RALGPS2: variants seen among roughly 807,000 people sequenced by gnomAD.
RALGPS2 encodes the protein Ral GEF with PH domain and SH3 binding motif 2.
A neutral mutation model predicts 86.8 loss-of-function variants in RALGPS2; 43 were observed. That is an observed-to-expected ratio of 0.50 (90% CI 0.39 to 0.64). The LOEUF (loss-of-function observed/expected upper bound fraction) is 0.64. RALGPS2 is among the 30% of genes least tolerant of loss of function. RALGPS2 has a pLI of 0.00. For missense variants in RALGPS2, 536 were observed against 694.6 expected, an observed-to-expected ratio of 0.77 and a Z score of 2.57; for synonymous variants, 243 against 231.3, an observed-to-expected ratio of 1.05 and a Z score of -0.46.
chr1:178,743,934 A>G (rs778196030), intron 1 of RALGPS2, among the ~76,000 whole-genome samples: 2 of 152,200 alleles, frequency 1.3e-5, no homozygotes, highest in Admixed American at 6.5e-5. Context: ...TAAACGTTTA[A>G]GGAAGAATTA....
At chr1:178,872,665 G>A (rs777145150) in intron 8 of RALGPS2, among the ~76,000 whole-genome samples, 2 of 152,164 alleles carry the variant, frequency 1.3e-5, no homozygotes, top group Non-Finnish European at 2.9e-5. Context: ...CAGTAATTAT[G>A]TTGTAGTCAC....
intron 4 of RALGPS2, among the ~76,000 whole-genome samples, chr1:178,795,537 T>G (rs1161568555): frequency 6.6e-6 from 1 of 151,988 alleles, no homozygotes; most frequent in East Asian, 1.9e-4. Context: ...CTCAGCCTCC[T>G]GAGTAGCTGG....
In RALGPS2 at chr1:178,883,537, A is replaced by C. The variant is rs373650907; in HGVS notation, c.904+4A>C. 6.2e-7 allele frequency: 1 copy of C among 1,605,328 alleles called. No individual in the cohort carries two copies. Among genetic ancestry groups the C allele is most frequent in the Non-Finnish European group, 8.5e-7 (1 of 1,172,240 alleles). Reference sequence around the variant, plus strand: ...GCTTCCAGAGAAGATTTAGTAGGTCAGTACGTAGTTTTCTCTTGTTACCAA... The same window carrying C: ...GCTTCCAGAGAAGATTTAGTAGGTCCGTACGTAGTTTTCTCTTGTTACCAA... On this transcript the variant is annotated splice_donor_region_variant and intron_variant, in intron 11 of 19. Transcript: ENST00000367635.
rs551546965 is a variant in RALGPS2 at position 178,910,020 on chromosome 1, G to T, written c.1722+3153G>T. 9.9e-5 allele frequency among the ~76,000 whole-genome samples: 15 copies of T among 151,896 alleles called. 1 individual carries two copies. In the East Asian group the frequency reaches 1.9e-3, roughly 20 times the overall value. ...CCCTAGATATTTTTTTCTTTTTGTGGCTATTGTAAATGGAATTGTGTTCTT... is the reference window on the plus strand; with the variant it reads ...CCCTAGATATTTTTTTCTTTTTGTGTCTATTGTAAATGGAATTGTGTTCTT... On this transcript the variant is annotated intron_variant, in intron 19 of 19. Coordinates refer to ENST00000367635, the MANE Select transcript of RALGPS2 (RefSeq NM_152663.5).
chr1:178,852,705 G>A lies in RALGPS2; in HGVS notation c.607+19155G>A, dbSNP rs34483360. 2.8e-3 allele frequency: 4,460 copies of A among 1,613,540 alleles called. 97 individuals carry two copies. The African/African-American group carries it at 0.049, about 18-fold the overall frequency. ...TACCTGCATACATATCTTTATCTCTGTCCAGTGTGGTGAATTGTTTACCAT... is the reference window on the plus strand; with the variant it reads ...TACCTGCATACATATCTTTATCTCTATCCAGTGTGGTGAATTGTTTACCAT... On this transcript the variant is annotated intron_variant, in intron 8 of 19. Coordinates refer to ENST00000367635, the MANE Select transcript of RALGPS2 (RefSeq NM_152663.5).
At chr1:178,853,661 C>A (rs548240641) in intron 8 of RALGPS2, 2 of 1,612,432 alleles carry the variant, frequency 1.2e-6, no homozygotes, top group Non-Finnish European at 1.7e-6. Flanking sequence ...AACAGTCCAA[C>A]CCCCAGGGTC....
intron 8 of RALGPS2, among the ~76,000 whole-genome samples, chr1:178,867,667 AAAG>A (rs2102342809): frequency 3.9e-5 from 6 of 152,066 alleles, no homozygotes; most frequent in African/African-American, 1.4e-4. Flanking sequence ...TAATTATGCA[AAAG>A]TATTTATGGA....
chr1:178,877,787 C>A, intron 9 of RALGPS2, 152 bp downstream of exon 9: 1 of 982,404 alleles, frequency 1.0e-6, no homozygotes, highest in Non-Finnish European at 1.5e-6. Context: ...TTTTATTTTG[C>A]CATTTACTAT....
intron 6 of RALGPS2, among the ~76,000 whole-genome samples, chr1:178,816,338 G>A (rs1162091582): frequency 6.6e-6 from 1 of 151,862 alleles, no homozygotes; most frequent in Admixed American, 6.6e-5. Flanking sequence ...GATAGTGATG[G>A]TTGAGTATCT....
chr1:178,881,710 C>A (rs1315857231), intron 10 of RALGPS2, among the ~76,000 whole-genome samples: 1 of 152,156 alleles, frequency 6.6e-6, no homozygotes, highest in Admixed American at 6.5e-5. Flanking sequence ...TTTGGCCTCC[C>A]AAAGTGCTAG....
intron 4 of RALGPS2, among the ~76,000 whole-genome samples, chr1:178,792,796 G>A (rs1654018128): frequency 6.6e-6 from 1 of 152,176 alleles, no homozygotes; most frequent in Non-Finnish European, 1.5e-5. Flanking sequence ...GTGGTGGGGA[G>A]AAAATACAAT....
At chr1:178,735,288 A>G (rs1451106579) in intron 1 of RALGPS2, among the ~76,000 whole-genome samples, 2 of 152,174 alleles carry the variant, frequency 1.3e-5, no homozygotes, top group Non-Finnish European at 2.9e-5. Flanking sequence ...CTTCATTTAC[A>G]TAAAGTTTAG....
chr1:178,794,483 A>G (rs1654099877), intron 4 of RALGPS2, among the ~76,000 whole-genome samples: 1 of 152,168 alleles, frequency 6.6e-6, no homozygotes, highest in Non-Finnish European at 1.5e-5. Context: ...GAGTTCTTTC[A>G]TGTTGCAGAA....
intron 2 of RALGPS2, among the ~76,000 whole-genome samples, chr1:178,780,242 T>TA (rs1424848758): frequency 6.6e-6 from 1 of 152,206 alleles, no homozygotes; most frequent in Admixed American, 6.5e-5. Flanking sequence ...TACCAAGAGA[T>TA]AGAGATCTTT....
At chr1:178,725,450 G>GGGGAGGGAGGGA (rs1157022327) in intron 1 of RALGPS2, 31 bp downstream of exon 1, 2 of 149,220 alleles carry the variant, frequency 1.3e-5, no homozygotes, top group African/African-American at 4.9e-5. Flanking sequence ...GGGCGGTGCG[G>GGGGAGGGAGGGA]GGGAGGGAGG....
At chr1:178,891,228 A>T (rs1174379127) in intron 14 of RALGPS2, among the ~76,000 whole-genome samples, 1 of 152,104 alleles carries the variant, frequency 6.6e-6, no homozygotes, top group Non-Finnish European at 1.5e-5. Context: ...TCTTATGCCA[A>T]GTTTAAAATA....
intron 10 of RALGPS2, among the ~76,000 whole-genome samples, chr1:178,880,124 GGTC>G (rs932188935): frequency 6.6e-6 from 1 of 151,962 alleles, no homozygotes; most frequent in Admixed American, 6.5e-5. Context: ...TCCAATAAAA[GGTC>G]GTGTTTCAAA....
intron 1 of RALGPS2, among the ~76,000 whole-genome samples, chr1:178,758,152 A>T (rs1652046070): frequency 6.6e-6 from 1 of 151,944 alleles, no homozygotes; most frequent in African/African-American, 2.4e-5. Flanking sequence ...GTCAATTCTG[A>T]TTGCTTATTT....
intron 8 of RALGPS2, chr1:178,864,934 T>C: frequency 7.1e-7 from 1 of 1,406,038 alleles, no homozygotes; most frequent in Non-Finnish European, 9.3e-7. Context: ...TCCCACTTTT[T>C]ACAGTAAGAG....
Sources: allele counts gnomAD v4.1 joint callset (sites outside exome capture counted in the v4.1 genomes callset), GRCh38; gene constraint gnomAD v4.1.1; transcripts MANE v1.5; gene names NCBI Gene and HGNC (gene_info 2026-07-23, HGNC 2026-07-21).